The following PARD3B variants were observed in gnomAD, a reference collection of about 807,000 sequenced individuals.
PARD3B encodes the protein partitioning defective 3 homolog B.
In PARD3B, 103 loss-of-function variants were observed where a neutral mutation model predicts 130.2. The ratio of observed to expected loss-of-function variants is 0.79; its 90% CI spans 0.67 to 0.93. The LOEUF is 0.93. Ranked by LOEUF, PARD3B falls within the 40% of genes least tolerant of loss-of-function variation. The pLI, the probability that PARD3B is intolerant of heterozygous loss-of-function variation, is 0.00. For synonymous variants in PARD3B, 583 were observed against 553.2 expected (o/e 1.05, Z -0.76); for missense variants, 1,609 against 1,499.2 (o/e 1.07, Z -1.21).
rs188980037 is a variant in PARD3B, at chr2:204,575,422, A to T, written c.120+29303A>T. Among the ~76,000 whole-genome samples the T allele has an allele frequency of 3.3e-3, 510 of 152,338 alleles. 3 individuals are homozygous for T. The highest frequency in any genetic ancestry group is 0.011 in the African/African-American group (470 of 41,570). On this transcript the variant is annotated intron_variant, in intron 1 of 22. Coordinates refer to ENST00000406610, the MANE Select transcript of PARD3B (RefSeq NM_001302769.2). Reference sequence around the variant, plus strand: ...ATTTAAATAGTTCAGAAAATATGATATGTAGGCTTCTTTTAATTCATAGCA... The same window carrying T: ...ATTTAAATAGTTCAGAAAATATGATTTGTAGGCTTCTTTTAATTCATAGCA...
At chr2:205,614,483 C>CCTG (rs2055348480) in intron 22 of PARD3B, among the ~76,000 whole-genome samples, 1 of 152,026 alleles carries the variant, frequency 6.6e-6, no homozygotes, top group Non-Finnish European at 1.5e-5. Context: ...CCAGGCAGAT[C>CCTG]ACCTAAGGTC....
At chr2:204,803,482 G>T (rs2042650175) in intron 2 of PARD3B, among the ~76,000 whole-genome samples, 1 of 151,994 alleles carries the variant, frequency 6.6e-6, no homozygotes. Flanking sequence ...AACTTTTCAA[G>T]AAATAGACAG....
At chr2:204,602,199 G>A (rs2033540110) in intron 1 of PARD3B, among the ~76,000 whole-genome samples, 1 of 152,008 alleles carries the variant, frequency 6.6e-6, no homozygotes, top group African/African-American at 2.4e-5. Context: ...CAGAATAAAT[G>A]ACATATTGCT....
At chr2:204,977,019 C>T (rs1575462161) in intron 3 of PARD3B, among the ~76,000 whole-genome samples, 1 of 152,126 alleles carries the variant, frequency 6.6e-6, no homozygotes, top group Non-Finnish European at 1.5e-5. Context: ...TTCTGGTTGT[C>T]TTATGCCTTC....
In PARD3B at chr2:204,678,587, G is replaced by A. The variant is rs921663636; in HGVS notation, c.121-7594G>A. Among the ~76,000 whole-genome samples, 3 of 152,078 alleles carry A rather than the reference G, an allele frequency of 2.0e-5. No homozygotes were observed. Among genetic ancestry groups the A allele is most frequent in the African/African-American group, 4.8e-5 (2 of 41,388 alleles). ...GGCTGACTCCAGCCGGGTCGTCTCCGAAGTCGTGTGGTCTGACATTAAGCC... is the reference window on the plus strand; with the variant it reads ...GGCTGACTCCAGCCGGGTCGTCTCCAAAGTCGTGTGGTCTGACATTAAGCC... On this transcript the variant is annotated intron_variant, in intron 1 of 22. Coordinates refer to ENST00000406610, the MANE Select transcript of PARD3B (RefSeq NM_001302769.2). The surrounding 1 kb of genome is among the most constrained non-coding windows in gnomAD (Gnocchi z 4.2).
chr2:205,602,274 T>C (rs1450393713), intron 22 of PARD3B, among the ~76,000 whole-genome samples: 3 of 152,226 alleles, frequency 2.0e-5, no homozygotes, highest in Admixed American at 6.5e-5. Context: ...TGGATTTGGT[T>C]TGCCAGTATT....
chr2:205,401,013 A>T lies in PARD3B; in HGVS notation c.2631A>T (p.Arg877Ser), dbSNP rs759850605. The T allele has an allele frequency of 5.7e-6, 9 of 1,590,238 alleles. No homozygotes were observed. In the South Asian group the frequency reaches 1.0e-4, roughly 18 times the overall value. Residue 877 changes from arginine to serine, a missense_variant and splice_region_variant, in exon 19 of 23, where the codon AGA (arginine) becomes AGT (serine). Arg to Ser is a moderately radical substitution (Grantham distance 110). Coordinates refer to ENST00000406610, the MANE Select transcript of PARD3B (RefSeq NM_001302769.2). The part of the protein sequence containing the change: ...IKKKGFGAML[R>S]FGKKKEDKGG... ...AGCCTTCTCCTTCACGTTTCACTAG[A>T]TTTGGAAAGAAGAAAGAGGATAAGG...
chr2:205,120,004 C>T (rs2030478659), intron 7 of PARD3B, among the ~76,000 whole-genome samples: 2 of 151,988 alleles, frequency 1.3e-5, no homozygotes, highest in South Asian at 2.1e-4. Context: ...ACCAAAACAG[C>T]TCCTAATACA....
At chr2:204,821,461 A>G (rs2043349665) in intron 2 of PARD3B, among the ~76,000 whole-genome samples, 1 of 150,370 alleles carries the variant, frequency 6.7e-6, no homozygotes, top group Admixed American at 6.7e-5. Flanking sequence ...CAAAAAACCA[A>G]ACACCGCATA....
intron 3 of PARD3B, among the ~76,000 whole-genome samples, chr2:205,005,050 G>A (rs1414771084): frequency 1.3e-5 from 2 of 151,882 alleles, no homozygotes; most frequent in East Asian, 1.9e-4. Flanking sequence ...AATCAAGCTG[G>A]TTTTCCTATC....
intron 3 of PARD3B, among the ~76,000 whole-genome samples, chr2:204,971,835 T>G (rs1374477291): frequency 1.2e-4 from 5 of 40,422 alleles, no homozygotes; most frequent in Non-Finnish European, 2.1e-4. Context: ...TTTGTTTTAA[T>G]TTTTTTTTTT....
chr2:205,342,409 C>T (rs1264691641), intron 18 of PARD3B, among the ~76,000 whole-genome samples: 1 of 152,112 alleles, frequency 6.6e-6, no homozygotes, highest in African/African-American at 2.4e-5. Context: ...CTCAGAGCAA[C>T]CAGACCAACA....
At chr2:205,166,092 A>G (rs1298287849) in intron 11 of PARD3B, among the ~76,000 whole-genome samples, 3 of 152,220 alleles carry the variant, frequency 2.0e-5, no homozygotes, top group Non-Finnish European at 4.4e-5. Context: ...CACTTCTTGA[A>G]CATTTAGAGT....
chr2:204,782,254 T>C (rs557967916), intron 2 of PARD3B, among the ~76,000 whole-genome samples: 1 of 152,124 alleles, frequency 6.6e-6, no homozygotes, highest in East Asian at 1.9e-4. Context: ...TGCATATGCA[T>C]GAGAGAATGT....
chr2:204,908,226 G>A lies in PARD3B; in HGVS notation c.223-56926G>A, dbSNP rs187406083. Among the ~76,000 whole-genome samples the A allele has an allele frequency of 3.0e-3, 456 of 152,204 alleles. 2 individuals carry two copies. The highest frequency in any genetic ancestry group is 4.5e-3 in the Non-Finnish European group (306 of 68,008). ...AAATAGTAAGATAATCCAAAAATAT[G>A]AACACACGTTAATAATTCTTAATAA... On this transcript the variant is annotated intron_variant, in intron 2 of 22. Coordinates refer to ENST00000406610, the MANE Select transcript of PARD3B (RefSeq NM_001302769.2).
In PARD3B at chr2:205,235,160, C is replaced by A. The variant is rs898975505; in HGVS notation, c.2141-10618C>A. On this transcript the variant is annotated intron_variant, in intron 15 of 22. Transcript: ENST00000406610. The stretch of plus-strand genomic sequence containing the variant: ...GAGAGGCTGTGTGAAATGGCTCACA[C>A]CTGTAATCACAGCAATTTGGGAGGC... Among the ~76,000 whole-genome samples, 3 of 152,224 alleles carry A rather than the reference C, an allele frequency of 2.0e-5. No homozygotes were observed. The South Asian group carries it at 6.2e-4, about 32-fold the overall frequency.
rs191453832 is a variant in PARD3B at position 205,558,026 on chromosome 2, C to T, written c.3260+4623C>T. On this transcript the variant is annotated intron_variant, in intron 22 of 22. Transcript: ENST00000406610. The surrounding 1 kb of genome is among the most constrained non-coding windows in gnomAD (Gnocchi z 4.8). Reference sequence around the variant, plus strand: ...GGGAACTCACTGAAGCTGAAGGATTCGCCGACTCAGGAAAGACCAGTGGTC... The same window carrying T: ...GGGAACTCACTGAAGCTGAAGGATTTGCCGACTCAGGAAAGACCAGTGGTC... Among the ~76,000 whole-genome samples the T allele has an allele frequency of 2.6e-4, 39 of 152,258 alleles. No individual in the cohort carries two copies. The highest frequency in any genetic ancestry group is 7.7e-4 in the African/African-American group (32 of 41,550).
intron 4 of PARD3B, among the ~76,000 whole-genome samples, chr2:205,075,615 C>T (rs1341797771): frequency 2.7e-5 from 4 of 149,490 alleles, no homozygotes; most frequent in Non-Finnish European, 5.9e-5. Flanking sequence ...CTTATTTCTT[C>T]ATAAGAAATA....
chr2:205,478,077 A>G (rs901243292), intron 20 of PARD3B, among the ~76,000 whole-genome samples: 3 of 152,230 alleles, frequency 2.0e-5, no homozygotes, highest in Admixed American at 6.5e-5. Context: ...CAAGGTCCTC[A>G]TGATCTGTAG....
Sources: gnomAD v4.1 joint callset for allele counts (sites outside exome capture counted in the v4.1 genomes callset) on GRCh38, gnomAD v4.1.1 for gene constraint, Gnocchi (gnomAD v3.1) non-coding constraint, MANE v1.5 for transcripts, NCBI Gene and HGNC (gene_info 2026-07-23, HGNC 2026-07-21) for gene names.